VWC2L: variants seen among roughly 807,000 people sequenced by gnomAD.
The protein encoded by VWC2L is von Willebrand factor C domain containing 2 like, also known as von Willebrand factor C domain-containing protein 2-like.
Under a neutral mutation model 21.6 loss-of-function variants are expected in VWC2L, and 10 were observed. The observed-to-expected ratio is 0.46, with a 90% CI of 0.29 to 0.78. VWC2L has a LOEUF of 0.78. Ranked by LOEUF, VWC2L falls within the 30% of genes least tolerant of loss-of-function variation. VWC2L has a pLI of 0.10. For synonymous variants in VWC2L, 96 were observed against 94.3 expected, an observed-to-expected ratio of 1.02 and a Z score of -0.10; for missense variants, 209 against 277.1, an observed-to-expected ratio of 0.75 and a Z score of 1.74.
At chr2:214,458,669 C>T (rs1703091520) in intron 3 of VWC2L, among the ~76,000 whole-genome samples, 1 of 151,956 alleles carries the variant, frequency 6.6e-6, no homozygotes, top group Non-Finnish European at 1.5e-5. Flanking sequence ...ATCTTAATTT[C>T]TTCTTTTACC....
At chr2:214,467,852 A>G (rs1703242308) in intron 3 of VWC2L, among the ~76,000 whole-genome samples, 4 of 152,168 alleles carry the variant, frequency 2.6e-5, no homozygotes, top group Admixed American at 2.6e-4. Flanking sequence ...TATTTTTAAT[A>G]ACATAGTATG....
intron 3 of VWC2L, among the ~76,000 whole-genome samples, chr2:214,456,313 AC>A (rs1204297299): frequency 6.6e-6 from 1 of 151,730 alleles, no homozygotes; most frequent in African/African-American, 2.4e-5. Flanking sequence ...TTTTTTATAT[AC>A]CTGTTGGCTA....
intron 3 of VWC2L, among the ~76,000 whole-genome samples, chr2:214,522,174 G>A (rs1689251403): frequency 6.6e-6 from 1 of 151,984 alleles, no homozygotes; most frequent in Non-Finnish European, 1.5e-5. Flanking sequence ...AGGAGATCAA[G>A]ACCACCCTGG....
chr2:214,561,525 C>T (rs190801983), intron 3 of VWC2L, among the ~76,000 whole-genome samples: 77 of 152,080 alleles, frequency 5.1e-4, no homozygotes, highest in Non-Finnish European at 9.1e-4. Context: ...CCTATAATTT[C>T]AGCACTTTGG....
At chr2:214,440,275 T>C (rs1702745341) in intron 3 of VWC2L, among the ~76,000 whole-genome samples, 1 of 151,954 alleles carries the variant, frequency 6.6e-6, no homozygotes, top group African/African-American at 2.4e-5. Context: ...TGGTGAGAAT[T>C]GGGGGGATTG....
intron 3 of VWC2L, among the ~76,000 whole-genome samples, chr2:214,471,961 A>G (rs1208252387): frequency 3.9e-5 from 6 of 152,186 alleles, no homozygotes; most frequent in Admixed American, 3.9e-4. Flanking sequence ...TAAGGGACTC[A>G]GACAATCTGA....
In VWC2L at chr2:214,477,684, A is replaced by T. The variant is rs530070031; in HGVS notation, c.520+40926A>T. ...TATTATACCTCTTGCCTAACATCATATAACTAGTAAATGATGTAGCAGAAT... is the reference window on the plus strand; with the variant it reads ...TATTATACCTCTTGCCTAACATCATTTAACTAGTAAATGATGTAGCAGAAT... On this transcript the variant is annotated intron_variant, in intron 3 of 3. Coordinates refer to ENST00000312504, the MANE Select transcript of VWC2L (RefSeq NM_001080500.4). Among the ~76,000 whole-genome samples the T allele has an allele frequency of 7.9e-5, 12 of 152,364 alleles. No homozygotes were observed. The South Asian group carries it at 1.4e-3, about 18-fold the overall frequency.
chr2:214,531,918 G>A (rs1204798300), intron 3 of VWC2L, among the ~76,000 whole-genome samples: 1 of 152,092 alleles, frequency 6.6e-6, no homozygotes, highest in Non-Finnish European at 1.5e-5. Context: ...TAATGATATA[G>A]TTCTGTAATC....
chr2:214,539,815 G>A (rs1031361335), intron 3 of VWC2L, among the ~76,000 whole-genome samples: 1 of 152,008 alleles, frequency 6.6e-6, no homozygotes, highest in African/African-American at 2.4e-5. Context: ...AAAATACATT[G>A]TATTAAACAA....
intron 3 of VWC2L, among the ~76,000 whole-genome samples, chr2:214,455,915 TACC>T (rs776615651): frequency 2.0e-5 from 3 of 152,216 alleles, no homozygotes; most frequent in East Asian, 1.9e-4. Flanking sequence ...TGTGTACAGA[TACC>T]ACATTTTCTT....
intron 2 of VWC2L, among the ~76,000 whole-genome samples, chr2:214,425,315 G>A (rs1241745234): frequency 6.6e-6 from 1 of 152,068 alleles, no homozygotes; most frequent in Admixed American, 6.6e-5. Context: ...TGGTCTCAGG[G>A]ATCTCTTTTC....
rs1335748655 is a variant in VWC2L, at chr2:214,563,178, G to A, written c.521-12494G>A. On this transcript the variant is annotated intron_variant, in intron 3 of 3. Coordinates refer to ENST00000312504, the MANE Select transcript of VWC2L (RefSeq NM_001080500.4). ...AGTTTCAATTTTCTGCATGTGGCTAGCCAATTCTCTCAGCACCATTTATTA... is the reference window on the plus strand; with the variant it reads ...AGTTTCAATTTTCTGCATGTGGCTAACCAATTCTCTCAGCACCATTTATTA... 3.3e-5 allele frequency among the ~76,000 whole-genome samples: 5 copies of A among 152,144 alleles called. No individual in the cohort carries two copies. The East Asian group carries it at 7.7e-4, about 24-fold the overall frequency.
intron 3 of VWC2L, among the ~76,000 whole-genome samples, chr2:214,491,862 T>C (rs1417702606): frequency 6.6e-6 from 1 of 152,176 alleles, no homozygotes; most frequent in Non-Finnish European, 1.5e-5. Context: ...ACCCCTATCA[T>C]AGCTACATAG....
At chr2:214,551,253 A>G (rs568628682) in intron 3 of VWC2L, among the ~76,000 whole-genome samples, 17 of 152,362 alleles carry the variant, frequency 1.1e-4, no homozygotes, top group Non-Finnish European at 2.2e-4. Context: ...GGAAGAAAAT[A>G]TAAAGGACAT....
chr2:214,483,415 C>CAA (rs938333518), intron 3 of VWC2L, among the ~76,000 whole-genome samples: 1 of 133,300 alleles, frequency 7.5e-6, no homozygotes, highest in South Asian at 2.4e-4. Context: ...CTGGCAAAAG[C>CAA]AAAAAAAAAA....
rs1246212060 is a variant in VWC2L at position 214,414,192 on chromosome 2, G to C, written c.-2G>C. 9.3e-6 allele frequency: 15 copies of C among 1,608,678 alleles called. No homozygotes were observed. The highest frequency in any genetic ancestry group is 5.1e-5 in the Admixed American group (3 of 58,622). On this transcript the variant is annotated 5_prime_UTR_variant, in exon 2 of 4. Transcript: ENST00000312504. ...CACATCCAGAAGTCTTTGAAGAGGG[G>C]GATGGCTCTTCATATTCATGAAGCT...
chr2:214,414,608 T>C (rs751756277), intron 2 of VWC2L, 25 bp downstream of exon 2: 2 of 1,597,866 alleles, frequency 1.3e-6, no homozygotes, highest in Admixed American at 1.8e-5. Context: ...CCATATTTAT[T>C]GAAATATCAA....
At chr2:214,569,662 A>G (rs559776073) in intron 3 of VWC2L, among the ~76,000 whole-genome samples, 2 of 152,226 alleles carry the variant, frequency 1.3e-5, no homozygotes, top group South Asian at 4.1e-4. Context: ...TCATCATGTT[A>G]TGCCTCACTC....
intron 2 of VWC2L, among the ~76,000 whole-genome samples, chr2:214,418,050 T>A (rs981774275): frequency 6.6e-6 from 1 of 152,146 alleles, no homozygotes; most frequent in African/African-American, 2.4e-5. Flanking sequence ...TTCCACAGTA[T>A]GGAACACTTT....
Sources: gnomAD v4.1 joint callset for allele counts (sites outside exome capture counted in the v4.1 genomes callset) on GRCh38, gnomAD v4.1.1 for gene constraint, MANE v1.5 for transcripts, NCBI Gene and HGNC (gene_info 2026-07-23, HGNC 2026-07-21) for gene names.